COL8A1: variants seen among roughly 807,000 people sequenced by gnomAD.
The protein encoded by COL8A1 is collagen alpha-1(VIII) chain.
Under a neutral mutation model 42.7 loss-of-function variants are expected in COL8A1, and 21 were observed. The ratio of observed to expected loss-of-function variants is 0.49; its 90% confidence interval spans 0.35 to 0.71. The LOEUF is 0.71. Ranked by LOEUF, COL8A1 falls within the 30% of genes least tolerant of loss-of-function variation. The pLI is 0.01. For synonymous variants in COL8A1, 367 were observed against 369.1 expected (o/e 0.99, Z 0.06); for missense variants, 788 against 962.4 (o/e 0.82, Z 2.40).
intron 1 of COL8A1, among the ~76,000 whole-genome samples, chr3:99,695,344 C>A (rs1939336809): frequency 1.3e-5 from 2 of 151,970 alleles, no homozygotes; most frequent in Non-Finnish European, 1.5e-5. Context: ...GATTTTTAAA[C>A]AATTTAAAAG....
At chr3:99,740,853 A>C (rs1940880799) in intron 1 of COL8A1, among the ~76,000 whole-genome samples, 1 of 152,166 alleles carries the variant, frequency 6.6e-6, no homozygotes. Flanking sequence ...ATAATAAAAC[A>C]ATATTCTATA....
intron 2 of COL8A1, among the ~76,000 whole-genome samples, chr3:99,769,934 A>G (rs1941545677): frequency 6.6e-6 from 1 of 152,172 alleles, no homozygotes; most frequent in Non-Finnish European, 1.5e-5. Flanking sequence ...AAATTACAAA[A>G]GACAGATTGA....
intron 2 of COL8A1, among the ~76,000 whole-genome samples, chr3:99,779,157 T>C (rs1307455476): frequency 6.6e-6 from 1 of 152,256 alleles, no homozygotes; most frequent in Non-Finnish European, 1.5e-5. Flanking sequence ...CTTTTCACTA[T>C]GTATAAAAAG....
rs13315221 is a variant in COL8A1 at position 99,742,170 on chromosome 3, G to C, written c.-128-2727G>C. 4.8e-3 allele frequency among the ~76,000 whole-genome samples: 723 copies of C among 152,180 alleles called. 5 individuals carry two copies. The highest frequency in any genetic ancestry group is 0.016 in the African/African-American group (680 of 41,522). On this transcript the variant is annotated intron_variant, in intron 1 of 3. Coordinates refer to ENST00000652472, the MANE Select transcript of COL8A1 (RefSeq NM_020351.4). ...ACTTTAAGTACTAAGTATTGTAGTT[G>C]CATTAATTTAATTTGATTCTTAATT...
At position 99,696,404 on chromosome 3, in the gene COL8A1, G is replaced by A. The variant is rs184332413; in HGVS notation, c.-128-48493G>A. 9.3e-3 allele frequency among the ~76,000 whole-genome samples: 1,409 copies of A among 152,238 alleles called. 7 individuals carry two copies. Among genetic ancestry groups the A allele is most frequent in the Middle Eastern group, 0.024 (7 of 294 alleles). On this transcript the variant is annotated intron_variant, in intron 1 of 3. Coordinates refer to ENST00000652472, the MANE Select transcript of COL8A1 (RefSeq NM_020351.4). ...TCAAGGGCAGGAAGGATCTGCTAGG[G>A]GCCCCTACCAGGAGAAGCCTGGACC...
At chr3:99,660,016 T>C (rs1938149875) in intron 1 of COL8A1, among the ~76,000 whole-genome samples, 1 of 152,178 alleles carries the variant, frequency 6.6e-6, no homozygotes, top group African/African-American at 2.4e-5. Flanking sequence ...ATAGAGCCAA[T>C]AAACTAGAAA....
At chr3:99,655,308 C>G (rs1937983260) in intron 1 of COL8A1, among the ~76,000 whole-genome samples, 1 of 152,162 alleles carries the variant, frequency 6.6e-6, no homozygotes, top group African/African-American at 2.4e-5. Flanking sequence ...AGTCAGCTAC[C>G]TAATAGGTGT....
At chr3:99,783,742 G>A (rs1422316757) in intron 2 of COL8A1, among the ~76,000 whole-genome samples, 3 of 152,236 alleles carry the variant, frequency 2.0e-5, no homozygotes, top group South Asian at 2.1e-4. Flanking sequence ...GTGCGCGCAA[G>A]GTGCGGGGTT....
intron 1 of COL8A1, among the ~76,000 whole-genome samples, chr3:99,688,764 G>T (rs1657387639): frequency 6.6e-6 from 1 of 152,114 alleles, no homozygotes. Flanking sequence ...CCGTGTGATT[G>T]AGCTCCGTCA....
intron 2 of COL8A1, among the ~76,000 whole-genome samples, chr3:99,781,318 G>A (rs1432753072): frequency 1.3e-5 from 2 of 152,234 alleles, no homozygotes; most frequent in South Asian, 2.1e-4. Flanking sequence ...GGGTGAGGGG[G>A]TAGGAGGAAC....
chr3:99,795,417 A>C lies in COL8A1; in HGVS notation c.1516A>C (p.Ser506Arg). 6.5e-7 allele frequency: 1 copy of C among 1,536,024 alleles called. No individual in the cohort carries two copies. Among genetic ancestry groups the C allele is most frequent in the Non-Finnish European group, 8.8e-7 (1 of 1,139,168 alleles). Residue 506 changes from serine to arginine, a missense_variant, in exon 4 of 4, where the codon AGT becomes CGT. This residue lies in a region of COL8A1 where 154 missense variants were observed against 182.3 expected (regional missense o/e 0.84). Coordinates refer to ENST00000652472, the MANE Select transcript of COL8A1 (RefSeq NM_020351.4). ...AGGTATCCCAGGGATTGGGGGCCCTAGTGGCCCCATTGGACCACCTGGGAT... is the reference window on the plus strand; with the variant it reads ...AGGTATCCCAGGGATTGGGGGCCCTCGTGGCCCCATTGGACCACCTGGGAT... ...PPGIPGIGGP[S>R]GPIGPPGIPG...
chr3:99,650,874 G>C (rs1292306975), intron 1 of COL8A1, among the ~76,000 whole-genome samples: 1 of 152,154 alleles, frequency 6.6e-6, no homozygotes, highest in Non-Finnish European at 1.5e-5. Context: ...CCCTTGGTGA[G>C]CATATAAACT....
chr3:99,754,182 G>A (rs1235119792), intron 2 of COL8A1, among the ~76,000 whole-genome samples: 1 of 152,118 alleles, frequency 6.6e-6, no homozygotes, highest in African/African-American at 2.4e-5. Flanking sequence ...GCAACAAAAT[G>A]AGCACCAACT....
chr3:99,781,635 A>G (rs1428706107), intron 2 of COL8A1, among the ~76,000 whole-genome samples: 1 of 152,170 alleles, frequency 6.6e-6, no homozygotes, highest in African/African-American at 2.4e-5. Context: ...CCCTTGCAAA[A>G]GGCCTTAAAA....
Position 99,798,054 on chromosome 3 carries a change from A to G in COL8A1, c.*1918A>G, listed in dbSNP as rs1010084109. 1.3e-5 allele frequency: 2 copies of G among 152,224 alleles called. No homozygotes were observed. Among genetic ancestry groups the G allele is most frequent in the Non-Finnish European group, 2.9e-5 (2 of 68,042 alleles). 9.4% of individuals were successfully genotyped at this position (152,224 alleles called of 1,614,324 possible). On this transcript the variant is annotated 3_prime_UTR_variant, in exon 4 of 4. Transcript: ENST00000652472. ...AAAACCATGAGTTAAGGGGATAGAT[A>G]TAGATGGAAAAATACACAAATAAAT...
rs746702523 is a variant in COL8A1, at chr3:99,795,704, C to T, written c.1803C>T (p.Tyr601=). Residue 601 remains tyrosine, a synonymous_variant, in exon 4 of 4, where the codon TAC becomes TAT. Transcript: ENST00000652472. The part of the protein sequence containing the change: ...GIDGVKPPHA[Y]GAKKGKNGGP... The stretch of plus-strand genomic sequence containing the variant: ...ATGGCGTGAAACCCCCCCATGCCTA[C>T]GGGGCTAAGAAAGGCAAGAATGGAG... 2.5e-5 allele frequency: 41 copies of T among 1,613,982 alleles called. No homozygotes were observed. Among genetic ancestry groups the T allele is most frequent in the Non-Finnish European group, 2.4e-5 (28 of 1,180,000 alleles).
chr3:99,748,352 A>G (rs2107410207), intron 2 of COL8A1, among the ~76,000 whole-genome samples: 1 of 152,370 alleles, frequency 6.6e-6, no homozygotes, highest in Non-Finnish European at 1.5e-5. Context: ...ATGTGCTGTG[A>G]GTGTGAAATA....
chr3:99,701,421 C>T (rs1490687253), intron 1 of COL8A1, among the ~76,000 whole-genome samples: 1 of 152,144 alleles, frequency 6.6e-6, no homozygotes, highest in Non-Finnish European at 1.5e-5. Context: ...TGAGAATTTT[C>T]CTTACTAGAG....
intron 1 of COL8A1, among the ~76,000 whole-genome samples, chr3:99,735,215 C>T (rs1418986936): frequency 1.4e-5 from 2 of 142,504 alleles, no homozygotes; most frequent in Non-Finnish European, 3.0e-5. Context: ...GAGAGGGCAT[C>T]CCTGTCTTGT....
Sources: gnomAD v4.1 joint callset for allele counts (sites outside exome capture counted in the v4.1 genomes callset) on GRCh38, gnomAD v4.1.1 for gene constraint, gnomAD v4.1.1 regional missense constraint, MANE v1.5 for transcripts, NCBI Gene and HGNC (gene_info 2026-07-23, HGNC 2026-07-21) for gene names.